The following FAM193A variants were observed in gnomAD, a reference collection of about 807,000 sequenced individuals.
FAM193A encodes family with sequence similarity 193 member A.
A neutral mutation model predicts 126.5 loss-of-function variants in FAM193A; 22 were observed. The observed-to-expected ratio is 0.17, with a 90% CI of 0.12 to 0.25. FAM193A has a LOEUF of 0.25. Among genes scored for constraint, FAM193A ranks in the 10% least tolerant of loss-of-function variants. The pLI is 1.00. For missense variants in FAM193A, 1,675 were observed against 1,672.8 expected, an observed-to-expected ratio of 1.00 and a Z score of -0.02; for synonymous variants, 761 against 646.8, an observed-to-expected ratio of 1.18 and a Z score of -2.68.
chr4:2,697,733 A>G (rs1240768913), intron 18 of FAM193A, among the ~76,000 whole-genome samples: 3 of 152,236 alleles, frequency 2.0e-5, no homozygotes, highest in Non-Finnish European at 4.4e-5. Flanking sequence ...TAGACTGACT[A>G]TTGGGCCTGA....
chr4:2,730,981 T>C (rs931112685), intron 20 of FAM193A, among the ~76,000 whole-genome samples: 13 of 151,910 alleles, frequency 8.6e-5, no homozygotes, highest in Non-Finnish European at 1.9e-4. Context: ...CGGATCACTT[T>C]AGGTCAGGAG....
At position 2,627,723 on chromosome 4, in the gene FAM193A, G is replaced by A. The variant is rs1439858757; in HGVS notation, c.803+1146G>A. ...CTCCTGAGTAGCTGGGATTACAGGC[G>A]CCTGCCACTGTGCCCAGCTAATTTT... On this transcript the variant is annotated intron_variant, in intron 4 of 20. Coordinates refer to ENST00000637812, the MANE Select transcript of FAM193A (RefSeq NM_001366318.2). 4.0e-5 allele frequency among the ~76,000 whole-genome samples: 6 copies of A among 150,036 alleles called. No homozygotes were observed. In the East Asian group the frequency reaches 9.8e-4, roughly 24 times the overall value.
chr4:2,540,835 C>T (rs1239161090), intron 1 of FAM193A, among the ~76,000 whole-genome samples: 2 of 151,848 alleles, frequency 1.3e-5, no homozygotes, highest in Non-Finnish European at 2.9e-5. Context: ...GTGGTGGATG[C>T]CTGTAATCCC....
chr4:2,671,843 G>C (rs1454633147), intron 12 of FAM193A, among the ~76,000 whole-genome samples: 1 of 152,238 alleles, frequency 6.6e-6, no homozygotes, highest in Non-Finnish European at 1.5e-5. Context: ...TGTGGGAAGA[G>C]AGATTTTCTG....
At chr4:2,690,121 T>C (rs1050580817) in intron 14 of FAM193A, among the ~76,000 whole-genome samples, 3 of 152,222 alleles carry the variant, frequency 2.0e-5, no homozygotes, top group Non-Finnish European at 4.4e-5. Flanking sequence ...CTCCTTCCTC[T>C]GGTTACTGCA....
chr4:2,730,155 A>C (rs1044200163), intron 20 of FAM193A, among the ~76,000 whole-genome samples: 4 of 152,088 alleles, frequency 2.6e-5, no homozygotes, highest in African/African-American at 7.2e-5. Flanking sequence ...TGATTCTCCA[A>C]CCTCAGCCTC....
At chr4:2,571,575 C>G (rs1739294453) in intron 1 of FAM193A, among the ~76,000 whole-genome samples, 2 of 151,672 alleles carry the variant, frequency 1.3e-5, no homozygotes, top group Admixed American at 1.3e-4. Flanking sequence ...GAGTTTCGCT[C>G]TGTCCTCCAG....
At chr4:2,537,355 G>A (rs1311175112) in intron 1 of FAM193A, among the ~76,000 whole-genome samples, 185 bp downstream of exon 1, 3 of 152,198 alleles carry the variant, frequency 2.0e-5, no homozygotes, top group African/African-American at 7.2e-5. Context: ...GGTGGGCCGT[G>A]CTCGGCGTGA....
rs375832619 is a variant in FAM193A, at chr4:2,604,208, G to C, written c.501+7879G>C. Among the ~76,000 whole-genome samples, 78 of 152,236 alleles carry C rather than the reference G, an allele frequency of 5.1e-4. 2 individuals carry two copies. In the South Asian group the frequency reaches 0.014, roughly 28 times the overall value. ...CTGTTATAGTTGAAAATCATGGTCTGTATGATAGTGATTCCTTATTAATCA... is the reference window on the plus strand; with the variant it reads ...CTGTTATAGTTGAAAATCATGGTCTCTATGATAGTGATTCCTTATTAATCA... On this transcript the variant is annotated intron_variant, in intron 2 of 20. Coordinates refer to ENST00000637812, the MANE Select transcript of FAM193A (RefSeq NM_001366318.2).
chr4:2,619,917 C>T (rs1330716105), intron 2 of FAM193A, among the ~76,000 whole-genome samples: 2 of 152,062 alleles, frequency 1.3e-5, no homozygotes, highest in East Asian at 3.9e-4. Flanking sequence ...TCTCGAACAC[C>T]TGACCTCAAG....
chr4:2,609,085 G>A (rs1450136426), intron 2 of FAM193A, among the ~76,000 whole-genome samples: 1 of 151,408 alleles, frequency 6.6e-6, no homozygotes, highest in Non-Finnish European at 1.5e-5. Context: ...ATAGAGGTGG[G>A]GTTTCATCGT....
At chr4:2,617,160 TC>T (rs1158975597) in intron 2 of FAM193A, among the ~76,000 whole-genome samples, 1 of 95,724 alleles carries the variant, frequency 1.0e-5, no homozygotes, top group African/African-American at 4.6e-5. Flanking sequence ...AGAGCGAGAC[TC>T]CATCTCCAAA....
chr4:2,605,653 A>C (rs1051865679), intron 2 of FAM193A, among the ~76,000 whole-genome samples: 2 of 152,208 alleles, frequency 1.3e-5, no homozygotes, highest in Non-Finnish European at 2.9e-5. Context: ...TTTAAATGAA[A>C]ACTATTTTCC....
intron 1 of FAM193A, among the ~76,000 whole-genome samples, chr4:2,559,692 G>A (rs115673435): frequency 0.012 from 1,832 of 152,256 alleles, 33 homozygotes; most frequent in African/African-American, 0.042. Flanking sequence ...CCCTCTGGAT[G>A]TCTTCCACCT....
chr4:2,639,977 G>A, intron 6 of FAM193A, 118 bp downstream of exon 6: 1 of 998,208 alleles, frequency 1.0e-6, no homozygotes. Flanking sequence ...AAAAATAACA[G>A]GGCTTAAAGA....
At chr4:2,700,614 GGAA>G (rs1405382466) in intron 19 of FAM193A, 70 bp downstream of exon 19, 1 of 1,536,784 alleles carries the variant, frequency 6.5e-7, no homozygotes, top group Non-Finnish European at 8.7e-7. Flanking sequence ...TGCTAGTATA[GGAA>G]AACACTGGGT....
intron 13 of FAM193A, 114 bp downstream of exon 13, chr4:2,672,486 C>T (rs1030518373): frequency 4.3e-5 from 50 of 1,161,296 alleles, no homozygotes; most frequent in Non-Finnish European, 6.1e-5. Flanking sequence ...AGCATCTGCT[C>T]TGGATAGGAA....
chr4:2,630,169 G>C (rs990373249), intron 4 of FAM193A, among the ~76,000 whole-genome samples: 1 of 149,926 alleles, frequency 6.7e-6, no homozygotes. Context: ...ATACACATTT[G>C]TGTCAAAAAT....
intron 5 of FAM193A, among the ~76,000 whole-genome samples, chr4:2,638,551 C>T (rs542330448): frequency 2.0e-5 from 3 of 152,272 alleles, no homozygotes; most frequent in African/African-American, 4.8e-5. Context: ...GTTAACAAAA[C>T]GGAAGGTTTT....
Sources: allele counts gnomAD v4.1 joint callset (sites outside exome capture counted in the v4.1 genomes callset), GRCh38; gene constraint gnomAD v4.1.1; transcripts MANE v1.5; gene names NCBI Gene and HGNC (gene_info 2026-07-23, HGNC 2026-07-21).